CAST: variants seen among roughly 807,000 people sequenced by gnomAD.
CAST encodes calpastatin.
CAST carries 76 observed loss-of-function variants against 119.6 expected under a neutral mutation model. That is an observed-to-expected ratio of 0.64 (90% CI 0.53 to 0.77). The LOEUF (loss-of-function observed/expected upper bound fraction) is 0.77. CAST is among the 30% of genes least tolerant of loss of function. The pLI is 0.00. For synonymous variants in CAST, 319 were observed against 331.6 expected, an observed-to-expected ratio of 0.96 and a Z score of 0.41; for missense variants, 953 against 946.5, an observed-to-expected ratio of 1.01 and a Z score of -0.09.
At chr5:96,624,187 T>A (rs1344914452) in intron 1 of CAST, among the ~76,000 whole-genome samples, 1 of 152,228 alleles carries the variant, frequency 6.6e-6, no homozygotes, top group African/African-American at 2.4e-5. Flanking sequence ...AAGGGAACAG[T>A]GTTCTGATAC....
chr5:96,067,653 CA>C, the CAST span, among the ~76,000 whole-genome samples: 6 of 152,274 alleles, frequency 3.9e-5, no homozygotes, highest in East Asian at 9.7e-4. Flanking sequence ...ACAAAATTAG[CA>C]GTAATAACTG....
chr5:96,539,037 T>A (rs1745869039), intron 1 of CAST, among the ~76,000 whole-genome samples: 2 of 152,224 alleles, frequency 1.3e-5, no homozygotes, highest in Admixed American at 1.3e-4. Flanking sequence ...AATCAATGAC[T>A]AACATTTGCA....
chr5:96,068,792 T>TATTTTATAAATATATATATATTTATAAA, the CAST span, among the ~76,000 whole-genome samples: 2 of 151,296 alleles, frequency 1.3e-5, no homozygotes, highest in Non-Finnish European at 2.9e-5. Context: ...TACACATGTG[T>TATTTTATAAATATATATATATTTATAAA]GTATATGTAT....
chr5:96,032,385 G>T, the CAST span, among the ~76,000 whole-genome samples: 1 of 152,114 alleles, frequency 6.6e-6, no homozygotes, highest in East Asian at 1.9e-4. Flanking sequence ...AAGCCAAAAA[G>T]ATCAGTTCAG....
chr5:96,504,691 C>T, the CAST span, among the ~76,000 whole-genome samples: 1 of 152,124 alleles, frequency 6.6e-6, no homozygotes, highest in Non-Finnish European at 1.5e-5. Flanking sequence ...GGTAACGGTA[C>T]ACACAGTTGT....
At chr5:96,567,831 CAG>C (rs1343353717) in intron 1 of CAST, among the ~76,000 whole-genome samples, 1 of 152,112 alleles carries the variant, frequency 6.6e-6, no homozygotes, top group African/African-American at 2.4e-5. Context: ...GGAATGTAGA[CAG>C]GGGATGACAG....
the CAST span, among the ~76,000 whole-genome samples, chr5:96,167,848 C>G: frequency 6.6e-6 from 1 of 152,156 alleles, no homozygotes; most frequent in African/African-American, 2.4e-5. Context: ...TTTGCCGGTC[C>G]TGGGCGGGGC....
In CAST at chr5:96,670,960, T is replaced by C. The variant is rs145354932; in HGVS notation, c.76-4579T>C. Among the ~76,000 whole-genome samples, 9 of 152,372 alleles carry C rather than the reference T, an allele frequency of 5.9e-5. No individual in the cohort carries two copies. In the East Asian group the frequency reaches 1.7e-3, roughly 29 times the overall value. ...GTGAGAGCTCAGGCTCTGAGCCTTA[T>C]TGCACTTAGCTCTTATTGATTTTTT... On this transcript the variant is annotated intron_variant, in intron 1 of 31. Transcript: ENST00000675179.
the CAST span, among the ~76,000 whole-genome samples, chr5:96,272,812 T>C: frequency 4.9e-4 from 75 of 152,314 alleles, no homozygotes; most frequent in Middle Eastern, 3.4e-3. Flanking sequence ...TCACACTGAT[T>C]TGATCATTAC....
chr5:96,730,984 G>A, intron 9 of CAST, 124 bp downstream of exon 9: 1 of 705,674 alleles, frequency 1.4e-6, no homozygotes, highest in South Asian at 1.7e-5. Context: ...GTAAAATTTT[G>A]TGAAGAGCAT....
chr5:96,261,248 C>G, the CAST span, among the ~76,000 whole-genome samples: 4 of 152,198 alleles, frequency 2.6e-5, no homozygotes, highest in Non-Finnish European at 5.9e-5. Flanking sequence ...ATCTGTTGTT[C>G]TGCCATGGGC....
At chr5:96,092,648 A>T in the CAST span, among the ~76,000 whole-genome samples, 1 of 152,196 alleles carries the variant, frequency 6.6e-6, no homozygotes, top group Non-Finnish European at 1.5e-5. Context: ...ACTATAACAT[A>T]CTATCTCATA....
the CAST span, among the ~76,000 whole-genome samples, chr5:96,363,246 T>C: frequency 6.7e-6 from 1 of 149,208 alleles, no homozygotes; most frequent in African/African-American, 2.5e-5. Context: ...AGCCTTGTAG[T>C]ATAGTTTGAA....
the CAST span, among the ~76,000 whole-genome samples, chr5:96,332,297 A>C: frequency 3.3e-5 from 5 of 152,194 alleles, no homozygotes; most frequent in African/African-American, 1.2e-4. Context: ...CTCATTCTGC[A>C]GCCAATGTTG....
chr5:96,031,594 C>T, the CAST span, among the ~76,000 whole-genome samples: 3 of 152,036 alleles, frequency 2.0e-5, no homozygotes, highest in African/African-American at 7.2e-5. Flanking sequence ...AGAACGAGTC[C>T]TTAATAAAAC....
chr5:96,396,204 A>T, the CAST span, among the ~76,000 whole-genome samples: 3 of 152,188 alleles, frequency 2.0e-5, no homozygotes, highest in Non-Finnish European at 4.4e-5. Context: ...AATGTAACAA[A>T]CGACTATAGA....
At chr5:96,250,374 A>G in the CAST span, among the ~76,000 whole-genome samples, 26 of 152,254 alleles carry the variant, frequency 1.7e-4, no homozygotes, top group African/African-American at 5.8e-4. Context: ...GTCATCCTGA[A>G]GATGCAATTC....
chr5:96,369,171 CGT>C, the CAST span, among the ~76,000 whole-genome samples: 1 of 151,292 alleles, frequency 6.6e-6, no homozygotes, highest in Non-Finnish European at 1.5e-5. Flanking sequence ...TCTGATTTCT[CGT>C]ATATTTATTT....
chr5:95,974,978 G>A, the CAST span, among the ~76,000 whole-genome samples: 1 of 152,170 alleles, frequency 6.6e-6, no homozygotes, highest in Non-Finnish European at 1.5e-5. Context: ...TTAGAGATGA[G>A]GAGAGAGCAG....
Sources: allele counts gnomAD v4.1 joint callset (sites outside exome capture counted in the v4.1 genomes callset), GRCh38; gene constraint gnomAD v4.1.1; transcripts MANE v1.5; gene names NCBI Gene and HGNC (gene_info 2026-07-23, HGNC 2026-07-21).